LACTB2: variants seen among roughly 807,000 people sequenced by gnomAD.
LACTB2 encodes endoribonuclease LACTB2.
LACTB2 carries 32 observed loss-of-function variants against 34.8 expected under a neutral mutation model. That is an observed-to-expected ratio of 0.92 (90% CI 0.69 to 1.24). The LOEUF is 1.24. LACTB2 is among the 50% of genes most tolerant of loss of function. LACTB2 has a pLI of 0.00. For synonymous variants in LACTB2, 120 were observed against 117.5 expected (o/e 1.02, Z -0.14); for missense variants, 320 against 345.0 (o/e 0.93, Z 0.57).
At chr8:70,646,085 G>A (rs1398447571) in intron 3 of LACTB2, 1 of 152,148 alleles carries the variant, frequency 6.6e-6, no homozygotes, top group East Asian at 1.9e-4. Flanking sequence ...CTTCCACAAT[G>A]GTTGAACTAG....
In LACTB2 at chr8:70,669,087, A is replaced by G. The variant is rs1818588777; in HGVS notation, c.34T>C (p.Ser12Pro). The stretch of plus-strand genomic sequence containing the variant: ...CCCAACACACGCACGACTCGATTGG[A>G]CAGCCGCTCGACGCGCTGCAGTACA... ...AAVLQRVERLSNRVVRVLGCN... is the reference protein window; with the variant it reads ...AAVLQRVERLPNRVVRVLGCN... The change falls in exon 1 of 7, where the codon TCC (serine) becomes CCC (proline). Residue 12 changes from serine (S) to proline (P), a missense_variant. Physicochemically the swap from Ser to Pro is moderately conservative, Grantham distance 74. Transcript: ENST00000276590. 2 of 1,612,278 alleles carry G rather than the reference A, an allele frequency of 1.2e-6. No homozygotes were observed. Among genetic ancestry groups the G allele is most frequent in the South Asian group, 1.1e-5 (1 of 90,732 alleles).
rs763354473 is a variant in LACTB2 at position 70,641,010 on chromosome 8, T to C, written c.633A>G (p.Gln211=). Residue 211 remains glutamine, a synonymous_variant, in exon 5 of 7, where the codon CAA becomes CAG. Coordinates refer to ENST00000276590, the MANE Select transcript of LACTB2 (RefSeq NM_016027.3). ...GAATATTTCTGTGAGAAATGTATTG[T>C]TGAATTTTAGCTTCAGCATTATGAA... The part of the protein sequence containing the change: ...PVIHNAEAKI[Q]QYISHRNIRE... The C allele has an allele frequency of 6.2e-6, 10 of 1,606,100 alleles. No homozygotes were observed. The highest frequency in any genetic ancestry group is 2.3e-5 in the East Asian group (1 of 44,444).
intron 3 of LACTB2, among the ~76,000 whole-genome samples, chr8:70,647,521 G>A (rs1354705359): frequency 6.6e-6 from 1 of 152,182 alleles, no homozygotes; most frequent in East Asian, 1.9e-4. Context: ...ACAAAGTGCT[G>A]GGATTACAGG....
At chr8:70,653,594 T>C (rs1335172144) in intron 3 of LACTB2, 1 of 152,190 alleles carries the variant, frequency 6.6e-6, no homozygotes, top group Non-Finnish European at 1.5e-5. Context: ...GCCTTCTGTG[T>C]GCTAGAGGTG....
intron 2 of LACTB2, among the ~76,000 whole-genome samples, chr8:70,659,689 A>C (rs1403353733): frequency 1.3e-5 from 2 of 152,234 alleles, no homozygotes; most frequent in Non-Finnish European, 2.9e-5. Flanking sequence ...TGCTTATGAG[A>C]CCTTTAGTAG....
In LACTB2 at chr8:70,669,158, G is replaced by C. The variant is rs373098619; in HGVS notation, c.-38C>G. The C allele has an allele frequency of 1.9e-6, 3 of 1,608,582 alleles. No homozygotes were observed. Among genetic ancestry groups the C allele is most frequent in the East Asian group, 4.5e-5 (2 of 44,706 alleles). On this transcript the variant is annotated 5_prime_UTR_variant, in exon 1 of 7. In the 5' UTR this introduces an upstream ATG that the reference lacks. Transcript: ENST00000276590. ...CGCCCGCCGGCGTGTCGCCTATCTG[G>C]ATACTCCAGCGCGGAAGAAGCCAAC...
intron 4 of LACTB2, among the ~76,000 whole-genome samples, chr8:70,641,540 T>A (rs1428906570): frequency 6.6e-6 from 1 of 152,182 alleles, no homozygotes; most frequent in Non-Finnish European, 1.5e-5. Context: ...GAGTTAGGAT[T>A]CTGACAGGAT....
chr8:70,638,073 C>A (rs1172444742), intron 6 of LACTB2, among the ~76,000 whole-genome samples, 170 bp from the exon 7 acceptor site: 3 of 152,162 alleles, frequency 2.0e-5, no homozygotes, highest in African/African-American at 7.2e-5. Context: ...GCTTCTACAT[C>A]AAATTCAAGC....
chr8:70,656,118 T>C (rs947742738), intron 3 of LACTB2, among the ~76,000 whole-genome samples: 2 of 152,204 alleles, frequency 1.3e-5, no homozygotes, highest in African/African-American at 4.8e-5. Context: ...GAAGATTTTC[T>C]CCCACTCTGT....
At chr8:70,665,741 C>T (rs1365740767) in intron 1 of LACTB2, among the ~76,000 whole-genome samples, 2 of 152,334 alleles carry the variant, frequency 1.3e-5, no homozygotes, top group East Asian at 1.9e-4. Flanking sequence ...TAGTAAATGG[C>T]ACCAGGATTC....
intron 3 of LACTB2, among the ~76,000 whole-genome samples, chr8:70,646,920 G>A (rs1341613035): frequency 2.6e-5 from 4 of 152,088 alleles, no homozygotes; most frequent in African/African-American, 9.7e-5. Flanking sequence ...TTCCAGAAGG[G>A]CAGGACTCTC....
chr8:70,643,208 C>CTTTTTT (rs66482767), intron 4 of LACTB2, among the ~76,000 whole-genome samples: 4 of 76,220 alleles, frequency 5.2e-5, no homozygotes, highest in Non-Finnish European at 7.5e-5. Context: ...GTGTATTTTC[C>CTTTTTT]TTTTTTTTTT....
In LACTB2 at chr8:70,661,802, A is replaced by C. The variant is rs1178685924; in HGVS notation, c.218T>G (p.Ile73Ser). The change falls in exon 2 of 7, where the codon ATT becomes AGT. Residue 73 changes from isoleucine to serine, a missense_variant. Ile to Ser is a moderately radical substitution (Grantham distance 142). Transcript: ENST00000276590. Reference sequence around the variant, plus strand: ...ATCTCGGTGCCAGTGAGTCACTACAATTTCCTGGATTGCTGTGTTAAATTC... The same window carrying C: ...ATCTCGGTGCCAGTGAGTCACTACACTTTCCTGGATTGCTGTGTTAAATTC... ...LTEFNTAIQEIVVTHWHRDHS... is the reference protein window; with the variant it reads ...LTEFNTAIQESVVTHWHRDHS... The C allele has an allele frequency of 6.2e-7, 1 of 1,613,626 alleles. No individual in the cohort carries two copies. Among genetic ancestry groups the C allele is most frequent in the Non-Finnish European group, 8.5e-7 (1 of 1,179,906 alleles).
intron 3 of LACTB2, among the ~76,000 whole-genome samples, chr8:70,648,131 T>C (rs1389824639): frequency 6.6e-6 from 1 of 152,160 alleles, no homozygotes; most frequent in Non-Finnish European, 1.5e-5. Context: ...AGTTCCCAAC[T>C]GAAGAGCTCA....
At chr8:70,641,565 G>GTGC (rs1266055622) in intron 4 of LACTB2, among the ~76,000 whole-genome samples, 4 of 152,140 alleles carry the variant, frequency 2.6e-5, no homozygotes, top group Non-Finnish European at 4.4e-5. Context: ...TAACCACTCT[G>GTGC]TGCTCTTGAC....
At chr8:70,642,810 A>T (rs1333742352) in intron 4 of LACTB2, among the ~76,000 whole-genome samples, 1 of 152,074 alleles carries the variant, frequency 6.6e-6, no homozygotes, top group Non-Finnish European at 1.5e-5. Flanking sequence ...GATGAAGGAG[A>T]GATTGATATT....
At chr8:70,660,133 T>C (rs901709220) in intron 2 of LACTB2, 7 of 152,250 alleles carry the variant, frequency 4.6e-5, no homozygotes, top group East Asian at 1.9e-4. Flanking sequence ...TCTTTTTTTT[T>C]CCCGCAAACA....
At chr8:70,648,025 C>A (rs1818284869) in intron 3 of LACTB2, among the ~76,000 whole-genome samples, 1 of 152,188 alleles carries the variant, frequency 6.6e-6, no homozygotes, top group Non-Finnish European at 1.5e-5. Flanking sequence ...ATAATTCTGG[C>A]AGCCAGGCCT....
At chr8:70,648,175 C>A in intron 3 of LACTB2, among the ~76,000 whole-genome samples, 1 of 152,130 alleles carries the variant, frequency 6.6e-6, no homozygotes, top group East Asian at 1.9e-4. Context: ...CTAAAGCCTA[C>A]GGAAGACTCC....
Sources: gnomAD v4.1 joint callset for allele counts (sites outside exome capture counted in the v4.1 genomes callset) on GRCh38, gnomAD v4.1.1 for gene constraint, MANE v1.5 for transcripts, NCBI Gene and HGNC (gene_info 2026-07-23, HGNC 2026-07-21) for gene names.